RAB27B: variants seen among roughly 807,000 people sequenced by gnomAD.
RAB27B encodes the protein RAB27B, member RAS oncogene family.
In RAB27B, 15 loss-of-function variants were observed where a neutral mutation model predicts 24.6. The observed-to-expected ratio is 0.61, with a 90% CI of 0.41 to 0.94. RAB27B has a LOEUF of 0.94. RAB27B is among the 40% of genes least tolerant of loss of function. The probability of loss-of-function intolerance (pLI) is 0.00; values close to 1 mark genes in which losing one functional copy is unlikely to be tolerated. For synonymous variants in RAB27B, 105 were observed against 92.5 expected (o/e 1.14, Z -0.78); for missense variants, 261 against 266.8 (o/e 0.98, Z 0.15).
chr18:54,721,756 G>A (rs9783853), intron 2 of RAB27B, among the ~76,000 whole-genome samples: 26,197 of 152,110 alleles, frequency 0.17, 3,037 homozygotes, highest in African/African-American at 0.33. Flanking sequence ...TATATCTGAT[G>A]AGTGCTAACT....
At chr18:54,875,919 TAAA>T (rs1912678443) in intron 1 of RAB27B, among the ~76,000 whole-genome samples, 1 of 152,296 alleles carries the variant, frequency 6.6e-6, no homozygotes, top group Non-Finnish European at 1.5e-5. Flanking sequence ...TTTTTACACA[TAAA>T]AAGTTATTAG....
chr18:54,739,888 T>G (rs184627583), intron 2 of RAB27B, among the ~76,000 whole-genome samples: 26 of 152,368 alleles, frequency 1.7e-4, no homozygotes, highest in Non-Finnish European at 1.5e-5. Context: ...CTTCTTTATG[T>G]GAGCTTATTA....
At chr18:54,858,725 T>G (rs1031426299) in intron 1 of RAB27B, among the ~76,000 whole-genome samples, 2 of 152,108 alleles carry the variant, frequency 1.3e-5, no homozygotes, top group African/African-American at 4.8e-5. Flanking sequence ...TTCTCTCTGC[T>G]CCACTGCTTG....
chr18:54,722,845 A>G (rs1469631845), intron 2 of RAB27B, among the ~76,000 whole-genome samples: 1 of 152,208 alleles, frequency 6.6e-6, no homozygotes, highest in African/African-American at 2.4e-5. Context: ...TATGCATAGG[A>G]TCAAAATGGT....
intron 2 of RAB27B, among the ~76,000 whole-genome samples, chr18:54,726,317 A>C (rs1297639271): frequency 1.3e-5 from 2 of 151,608 alleles, no homozygotes; most frequent in Non-Finnish European, 3.0e-5. Context: ...CGACAACATT[A>C]AGAAAAAGTG....
chr18:54,743,191 A>G (rs893104353), intron 2 of RAB27B, among the ~76,000 whole-genome samples: 6 of 152,300 alleles, frequency 3.9e-5, no homozygotes, highest in East Asian at 1.9e-4. Flanking sequence ...TAGCTTTTAC[A>G]TACTGTAGTT....
intron 2 of RAB27B, among the ~76,000 whole-genome samples, chr18:54,787,051 A>G (rs1017680477): frequency 2.6e-5 from 4 of 152,224 alleles, no homozygotes; most frequent in African/African-American, 9.6e-5. Context: ...CACAGTGGAT[A>G]TTCTGAATAG....
At chr18:54,747,905 C>T (rs867587347) in intron 2 of RAB27B, among the ~76,000 whole-genome samples, 1 of 151,914 alleles carries the variant, frequency 6.6e-6, no homozygotes, top group African/African-American at 2.4e-5. Flanking sequence ...CCCAGGAGTT[C>T]GAGACCAGCC....
chr18:54,815,820 C>T (rs918759916), intron 2 of RAB27B, among the ~76,000 whole-genome samples: 2 of 152,074 alleles, frequency 1.3e-5, no homozygotes, highest in African/African-American at 2.4e-5. Flanking sequence ...GACGGGGTTT[C>T]TCCATGTTGG....
chr18:54,817,482 T>C (rs1910157809), intron 2 of RAB27B, among the ~76,000 whole-genome samples: 1 of 152,280 alleles, frequency 6.6e-6, no homozygotes, highest in Non-Finnish European at 1.5e-5. Flanking sequence ...CCAATAAATA[T>C]TTTATCATAA....
At chr18:54,743,526 A>G (rs1416254629) in intron 2 of RAB27B, among the ~76,000 whole-genome samples, 3 of 152,236 alleles carry the variant, frequency 2.0e-5, no homozygotes, top group African/African-American at 7.2e-5. Context: ...ACTTAGGCAG[A>G]GTCCTGAGAT....
chr18:54,777,747 T>A (rs142530859), intron 2 of RAB27B, among the ~76,000 whole-genome samples: 119 of 152,338 alleles, frequency 7.8e-4, no homozygotes, highest in African/African-American at 2.8e-3. Context: ...AGTTGCAAAG[T>A]GTATTTTCTT....
intron 2 of RAB27B, among the ~76,000 whole-genome samples, chr18:54,811,103 G>C (rs551442092): frequency 6.6e-6 from 1 of 151,918 alleles, no homozygotes; most frequent in African/African-American, 2.4e-5. Flanking sequence ...TTACTTTTTG[G>C]TTAGTCTCCC....
chr18:54,782,648 A>T lies in RAB27B; in HGVS notation c.-20+64507A>T, dbSNP rs146261071. ...TACAATGATTTTCAAAATTGTTATT[A>T]AGACTGAAGTTGTTCCTTAAATTCG... On this transcript the variant is annotated intron_variant, in intron 2 of 4. Transcript: ENST00000586570. 2.9e-3 allele frequency among the ~76,000 whole-genome samples: 435 copies of T among 152,352 alleles called. 6 individuals are homozygous for T. Among genetic ancestry groups the T allele is most frequent in the South Asian group, 0.028 (135 of 4,830 alleles).
At chr18:54,832,727 T>C (rs2145186558) in intron 1 of RAB27B, among the ~76,000 whole-genome samples, 1 of 152,192 alleles carries the variant, frequency 6.6e-6, no homozygotes. Context: ...ATCATGAACC[T>C]AAGCCAGGAT....
chr18:54,890,742 T>G lies in RAB27B; in HGVS notation c.*1329T>G, dbSNP rs1360122703. ...ATAGTTGAGCTGTATTTTGGGGGAT[T>G]GGGTGAGGAAGGACTTCTGATCTTA... On this transcript the variant is annotated 3_prime_UTR_variant, in exon 6 of 6. Coordinates refer to ENST00000262094, the MANE Select transcript of RAB27B (RefSeq NM_004163.4). 1 of 66,634 alleles carries G rather than the reference T, an allele frequency of 1.5e-5. No individual in the cohort carries two copies. The allele number at this position is 66,634 out of a possible 1,614,324, so 4.1% of individuals were successfully genotyped here. A position where few individuals can be genotyped will look rare whatever the true frequency, so the allele number is the denominator to read the frequency against.
chr18:54,864,263 GT>G (rs1181728584), intron 1 of RAB27B, among the ~76,000 whole-genome samples: 1 of 152,122 alleles, frequency 6.6e-6, no homozygotes, highest in African/African-American at 2.4e-5. Flanking sequence ...AACTAATGCT[GT>G]TTTGTCTTCT....
In RAB27B at chr18:54,757,942, A is replaced by G. The variant is rs190537392; in HGVS notation, c.-20+39801A>G. On this transcript the variant is annotated intron_variant, in intron 2 of 4. Coordinates refer to the RAB27B transcript ENST00000586570. ...AATCACAAAATCTAGAAATATTTTT[A>G]TTAGTAAATTATCTGGCATGCCTCT... Among the ~76,000 whole-genome samples, 5 of 152,272 alleles carry G rather than the reference A, an allele frequency of 3.3e-5. No homozygotes were observed. The East Asian group carries it at 9.6e-4, about 29-fold the overall frequency.
intron 1 of RAB27B, among the ~76,000 whole-genome samples, chr18:54,870,957 A>G (rs1466963998): frequency 1.3e-5 from 2 of 152,216 alleles, no homozygotes; most frequent in Non-Finnish European, 1.5e-5. Context: ...CAAATTTAGT[A>G]TATGTTTGAA....
Sources: allele counts gnomAD v4.1 joint callset (sites outside exome capture counted in the v4.1 genomes callset), GRCh38; gene constraint gnomAD v4.1.1; transcripts MANE v1.5; gene names NCBI Gene and HGNC (gene_info 2026-07-23, HGNC 2026-07-21).